TMED4: variants seen among roughly 807,000 people sequenced by gnomAD.
The protein encoded by TMED4 is transmembrane p24 trafficking protein 4.
In TMED4, 19 loss-of-function variants were observed where a neutral mutation model predicts 26.5. The ratio of observed to expected loss-of-function variants is 0.72; its 90% CI spans 0.50 to 1.05. The LOEUF is 1.05. Ranked by LOEUF, TMED4 falls within the 50% of genes least tolerant of loss-of-function variation. The probability of loss-of-function intolerance (pLI) is 0.00; values close to 1 mark genes in which losing one functional copy is unlikely to be tolerated. For missense variants in TMED4, 303 were observed against 302.5 expected (o/e 1.00, Z -0.01); for synonymous variants, 121 against 119.8 (o/e 1.01, Z -0.07).
Position 44,579,424 on chromosome 7 carries a change from G to A in TMED4, c.*55C>T. The A allele has an allele frequency of 6.4e-7, 1 of 1,562,540 alleles. No individual in the cohort carries two copies. The highest frequency in any genetic ancestry group is 2.3e-5 in the East Asian group (1 of 44,196). On this transcript the variant is annotated 3_prime_UTR_variant, in exon 5 of 5. Coordinates refer to ENST00000457408, the MANE Select transcript of TMED4 (RefSeq NM_182547.4). ...AAAATCCAGGTGGATAAAGGACTGT[G>A]TGGGGAAAGTACCAAATAAATGAGG...
chr7:44,579,164 A>C lies in TMED4; in HGVS notation c.*315T>G. The C allele has an allele frequency of 4.3e-6, 1 of 230,784 alleles. No homozygotes were observed. The highest frequency in any genetic ancestry group is 8.7e-6 in the Non-Finnish European group (1 of 115,120). The allele number at this position is 230,784 out of a possible 1,614,324, so 14.3% of individuals were successfully genotyped here. A position where few individuals can be genotyped will look rare whatever the true frequency, so the allele number is the denominator to read the frequency against. ...AGTGGACAAAGAGAAAGCAGAAGGTAATGGAGAGAGTTTTCATTTGCTTAT... is the reference window on the plus strand; with the variant it reads ...AGTGGACAAAGAGAAAGCAGAAGGTCATGGAGAGAGTTTTCATTTGCTTAT... On this transcript the variant is annotated 3_prime_UTR_variant, in exon 5 of 5. Coordinates refer to ENST00000457408, the MANE Select transcript of TMED4 (RefSeq NM_182547.4).
chr7:44,581,004 A>G (rs1426531661), intron 4 of TMED4, 89 bp downstream of exon 4: 24 of 1,398,670 alleles, frequency 1.7e-5, no homozygotes, highest in Non-Finnish European at 2.4e-5. Flanking sequence ...CATTCTCTGC[A>G]GAGCTGATCT....
rs1747386515 is a variant in TMED4, at chr7:44,580,909, T to C, written c.534+184A>G. The stretch of plus-strand genomic sequence containing the variant: ...GTTGCAGTGAGCCAAGATCATGGCA[T>C]TGCACTCCAGCATGGGCAACAAGAG... On this transcript the variant is annotated intron_variant, in intron 4 of 4. Transcript: ENST00000457408. The C allele has an allele frequency of 4.7e-6, 3 of 640,064 alleles. No homozygotes were observed. In the South Asian group the frequency reaches 5.9e-5, roughly 13 times the overall value. The allele number at this position is 640,064 out of a possible 1,614,324, so 39.6% of individuals were successfully genotyped here.
chr7:44,581,984 G>C lies in TMED4; in HGVS notation c.160+63C>G, dbSNP rs2117149579. On this transcript the variant is annotated intron_variant, in intron 1 of 4. Transcript: ENST00000457408. ...CCAGCGACCCGGCTGGGCTCGGGAG[G>C]AGGGAGCGCCGCCGAGGGCTGAGCT... is the stretch of plus-strand genomic sequence containing the variant. 1.5e-5 allele frequency: 23 copies of C among 1,523,580 alleles called. No individual in the cohort carries two copies. In the South Asian group the frequency reaches 2.7e-4, roughly 18 times the overall value. 94.4% of individuals were successfully genotyped at this position (1,523,580 alleles called of 1,614,324 possible).
chr7:44,581,644 G>A, intron 2 of TMED4, 70 bp from the exon 3 acceptor site: 1 of 1,613,862 alleles, frequency 6.2e-7, no homozygotes, highest in Non-Finnish European at 8.5e-7. Flanking sequence ...CCTGTCCCTT[G>A]AGGCCTCCTC....
chr7:44,581,448 C>A lies in TMED4; in HGVS notation c.387+1G>T, dbSNP rs751887611. The A allele has an allele frequency of 1.2e-6, 2 of 1,614,166 alleles. No homozygotes were observed. The highest frequency in any genetic ancestry group is 2.2e-5 in the South Asian group (2 of 91,086). The stretch of plus-strand genomic sequence containing the variant: ...TGAAGCCAAAGAGAAAATCCTCTTA[C>A]CAGTTTGCCACCAGCGAAGAGAGCC... On this transcript the variant is annotated splice_donor_variant, in intron 3 of 4. Transcript: ENST00000457408. LOFTEE classifies it high-confidence loss of function.
chr7:44,581,898 C>T (rs1246836323), intron 1 of TMED4, 75 bp from the exon 2 acceptor site: 1 of 1,587,866 alleles, frequency 6.3e-7, no homozygotes, highest in African/African-American at 1.3e-5. Context: ...ACGTGCGGCC[C>T]GGAGCTCTAG....
chr7:44,579,902 T>G (rs1802926900), intron 4 of TMED4: 2 of 297,120 alleles, frequency 6.7e-6, no homozygotes, highest in Non-Finnish European at 1.2e-5. Context: ...ATTACTAGAT[T>G]GTGAACTGTC....
chr7:44,580,984 C>T (rs1387757765), intron 4 of TMED4, 109 bp downstream of exon 4: 2 of 1,243,914 alleles, frequency 1.6e-6, no homozygotes, highest in Non-Finnish European at 2.3e-6. Flanking sequence ...TAAACCAATA[C>T]TTCTCATTCC....
intron 1 of TMED4, 89 bp downstream of exon 1, chr7:44,581,958 G>C: frequency 6.5e-7 from 1 of 1,528,626 alleles, no homozygotes; most frequent in Non-Finnish European, 8.8e-7. Context: ...TACTGGGGGA[G>C]CCAGCGACCC....
At chr7:44,580,921 A>G in intron 4 of TMED4, 172 bp downstream of exon 4, 1 of 707,050 alleles carries the variant, frequency 1.4e-6, no homozygotes, top group Non-Finnish European at 2.3e-6. Context: ...GCACTCCAGC[A>G]TGGGCAACAA....
Position 44,579,549 on chromosome 7 carries a change from A to AT in TMED4, c.613dup (p.Ile205AsnfsTer18). 1.9e-6 allele frequency: 3 copies of AT among 1,614,178 alleles called. No homozygotes were observed. The South Asian group carries it at 3.3e-5, about 18-fold the overall frequency. On this transcript the variant is annotated frameshift_variant, in exon 5 of 5. Transcript: ENST00000457408. LOFTEE classifies it high-confidence loss of function. ...CTGCCAGATGCCAGTGAGGATGAGG[A>AT]TGACAGTCTGAGCAATGGACCACCA...
At position 44,581,806 on chromosome 7, in the gene TMED4, T is replaced by C. The variant is rs374356963; in HGVS notation, c.178A>G (p.Met60Val). 1 of 1,614,006 alleles carries C rather than the reference T, an allele frequency of 6.2e-7. No individual in the cohort carries two copies. The highest frequency in any genetic ancestry group is 1.3e-5 in the African/African-American group (1 of 74,920). ...TMVIGNYRTQ[M>V]WDKQKEVFLP... is the part of the protein sequence containing the mutation. ...AAGACCTCCTTCTGCTTATCCCACATCTGGGTACGATAGTTGCCTGCGGGG... is the reference window on the plus strand; with the variant it reads ...AAGACCTCCTTCTGCTTATCCCACACCTGGGTACGATAGTTGCCTGCGGGG... Residue 60 changes from methionine to valine, a missense_variant, in exon 2 of 5, where the codon ATG (methionine) becomes GTG (valine). Coordinates refer to ENST00000457408, the MANE Select transcript of TMED4 (RefSeq NM_182547.4).
At chr7:44,581,031 A>T (rs1802969030) in intron 4 of TMED4, 62 bp downstream of exon 4, 2 of 1,570,778 alleles carry the variant, frequency 1.3e-6, no homozygotes, top group Non-Finnish European at 1.7e-6. Context: ...CAGAAACTTG[A>T]GTAGGTATAG....
chr7:44,579,338 G>T lies in TMED4; in HGVS notation c.*141C>A. On this transcript the variant is annotated 3_prime_UTR_variant, in exon 5 of 5. Coordinates refer to ENST00000457408, the MANE Select transcript of TMED4 (RefSeq NM_182547.4). Reference sequence around the variant, plus strand: ...TAAGAACCAGGGTCAGCAAGTGGCTGATCTGAATGGTTTGTGGCCATGGAA... The same window carrying T: ...TAAGAACCAGGGTCAGCAAGTGGCTTATCTGAATGGTTTGTGGCCATGGAA... The T allele has an allele frequency of 8.2e-6, 7 of 852,598 alleles. No individual in the cohort carries two copies. The highest frequency in any genetic ancestry group is 1.1e-5 in the Non-Finnish European group (6 of 567,452). 52.8% of individuals were successfully genotyped at this position (852,598 alleles called of 1,614,324 possible).
chr7:44,581,997 C>T (rs148932117), intron 1 of TMED4, 50 bp downstream of exon 1: 2 of 1,525,378 alleles, frequency 1.3e-6, no homozygotes, highest in Non-Finnish European at 1.8e-6. Context: ...GGAGCGCCGC[C>T]GAGGGCTGAG....
In TMED4 at chr7:44,582,193, C is replaced by G. The variant is rs1803030591; in HGVS notation, c.14G>C (p.Gly5Ala). 3 of 1,544,340 alleles carry G rather than the reference C, an allele frequency of 1.9e-6. No individual in the cohort carries two copies. Among genetic ancestry groups the G allele is most frequent in the Non-Finnish European group, 2.6e-6 (3 of 1,145,748 alleles). ...CCCCATCGCCCGCAGAGGCCCAGCC[C>G]CGACACCTGCCATCGCGCCTCAGCC... MAGV[G>A]AGPLRAMGRQ... Residue 5 changes from glycine to alanine, a missense_variant, in exon 1 of 5, where the codon GGG becomes GCG. Gly to Ala is a moderately conservative substitution (Grantham distance 60). Coordinates refer to ENST00000457408, the MANE Select transcript of TMED4 (RefSeq NM_182547.4).
rs746165972 is a variant in TMED4 at position 44,581,093 on chromosome 7, C to T, written c.534G>A (p.Arg178=). ...EQIQKEQDYQ[R]YREERFRLTS... ...AAATTACAAGGAGATATGCACTTGC[C>T]CTTTGGTAATCCTGCTCCTTCTGAA... The change falls in exon 4 of 5, where the codon AGG becomes AGA. Residue 178 remains arginine, a splice_region_variant and synonymous_variant. Transcript: ENST00000457408. 1 of 1,614,100 alleles carries T rather than the reference C, an allele frequency of 6.2e-7. No individual in the cohort carries two copies. Among genetic ancestry groups the T allele is most frequent in the Non-Finnish European group, 8.5e-7 (1 of 1,180,018 alleles).
rs1322876004 is a variant in TMED4 at position 44,581,835 on chromosome 7, A to G, written c.161-12T>C. On this transcript the variant is annotated splice_polypyrimidine_tract_variant and intron_variant, in intron 1 of 4. Coordinates refer to ENST00000457408, the MANE Select transcript of TMED4 (RefSeq NM_182547.4). Reference sequence around the variant, plus strand: ...GGTACGATAGTTGCCTGCGGGGCAGACACATAGTCACGACCGGCCCTAGTG... The same window carrying G: ...GGTACGATAGTTGCCTGCGGGGCAGGCACATAGTCACGACCGGCCCTAGTG... 1 of 1,613,476 alleles carries G rather than the reference A, an allele frequency of 6.2e-7. No homozygotes were observed. Among genetic ancestry groups the G allele is most frequent in the Admixed American group, 1.7e-5 (1 of 60,022 alleles).
Sources: allele counts gnomAD v4.1 joint callset, GRCh38; gene constraint gnomAD v4.1.1; transcripts MANE v1.5; gene names NCBI Gene and HGNC (gene_info 2026-07-23, HGNC 2026-07-21).